The following PCDH17 variants were observed in gnomAD, a reference collection of about 807,000 sequenced individuals.
PCDH17 encodes the protein protocadherin 17, also known as protocadherin-17.
Under a neutral mutation model 67.7 loss-of-function variants are expected in PCDH17, and 21 were observed. The ratio of observed to expected loss-of-function variants is 0.31; its 90% CI spans 0.22 to 0.45. The LOEUF is 0.45. Ranked by LOEUF, PCDH17 falls within the 20% of genes least tolerant of loss-of-function variation. PCDH17 has a pLI of 1.00. For synonymous variants in PCDH17, 701 were observed against 656.7 expected, an observed-to-expected ratio of 1.07 and a Z score of -1.03; for missense variants, 1,471 against 1,564.8, an observed-to-expected ratio of 0.94 and a Z score of 1.01.
chr13:57,668,194 A>G (rs1955279064), intron 3 of PCDH17, among the ~76,000 whole-genome samples: 1 of 151,998 alleles, frequency 6.6e-6, no homozygotes, highest in Non-Finnish European at 1.5e-5. Context: ...GATGGGTTGT[A>G]GCTCTGTGAT....
intron 3 of PCDH17, among the ~76,000 whole-genome samples, chr13:57,718,056 C>T (rs1955837566): frequency 6.6e-6 from 1 of 151,840 alleles, no homozygotes; most frequent in Non-Finnish European, 1.5e-5. Flanking sequence ...CAAGACATTC[C>T]ATATCTGTGT....
chr13:57,633,461 G>A lies in PCDH17; in HGVS notation c.915G>A (p.Val305=), dbSNP rs187269070. Residue 305 remains valine (V), a synonymous_variant, in exon 1 of 4, where the codon GTG becomes GTA. Transcript: ENST00000377918. This position sits in a 1 kb window ranked among gnomAD's most constrained non-coding sequence, Gnocchi z 6.2. ...SIDPKTGLIR[V]KGNLDYEENG... ...ACCCCAAGACCGGCCTAATCCGTGT[G>A]AAGGGCAATCTGGACTATGAGGAAA... 9 of 1,613,784 alleles carry A rather than the reference G, an allele frequency of 5.6e-6. No homozygotes were observed. In the Admixed American group the frequency reaches 1.2e-4, roughly 21 times the overall value.
Position 57,633,698 on chromosome 13 carries a change from C to T in PCDH17, c.1152C>T (p.Asn384=), listed in dbSNP as rs760178198. The T allele has an allele frequency of 3.7e-6, 6 of 1,603,174 alleles. No homozygotes were observed. The highest frequency in any genetic ancestry group is 8.5e-7 in the Non-Finnish European group (1 of 1,179,700). The change falls in exon 1 of 4, where the codon AAC becomes AAT. Residue 384 remains asparagine (N), a synonymous_variant. Transcript: ENST00000377918. This position sits in a 1 kb window ranked among gnomAD's most constrained non-coding sequence, Gnocchi z 6.2. The stretch of plus-strand genomic sequence containing the variant: ...TCACTGACCGGGACTCTGGCAAGAA[C>T]GGACAGCTGCAGTGTCGGGTCCTAG... ...VRVTDRDSGK[N]GQLQCRVLGG...
chr13:57,725,068 C>A lies in PCDH17; in HGVS notation c.3254C>A (p.Pro1085Gln). The A allele has an allele frequency of 1.2e-6, 2 of 1,614,094 alleles. No homozygotes were observed. Among genetic ancestry groups the A allele is most frequent in the Non-Finnish European group, 1.7e-6 (2 of 1,179,988 alleles). Residue 1085 changes from proline to glutamine, a missense_variant, in exon 4 of 4, where the codon CCA becomes CAA. Physicochemically the swap from Pro to Gln is moderately conservative, Grantham distance 76. Transcript: ENST00000377918. ...CAATATCTGTCACCTAGTAAGCAACCAAGAGACCCTCCCTTCATGGCTTCC... is the reference window on the plus strand; with the variant it reads ...CAATATCTGTCACCTAGTAAGCAACAAAGAGACCCTCCCTTCATGGCTTCC... The part of the protein sequence containing the change: ...DSQYLSPSKQ[P>Q]RDPPFMASDQ...
intron 3 of PCDH17, among the ~76,000 whole-genome samples, chr13:57,700,206 T>C (rs1288367641): frequency 6.6e-6 from 1 of 152,072 alleles, no homozygotes; most frequent in Non-Finnish European, 1.5e-5. Context: ...CCCCTAAGTT[T>C]CCTGGACTTC....
chr13:57,633,227 A>T lies in PCDH17; in HGVS notation c.681A>T (p.Val227=). 1 of 1,613,298 alleles carries T rather than the reference A, an allele frequency of 6.2e-7. No homozygotes were observed. Among genetic ancestry groups the T allele is most frequent in the Non-Finnish European group, 8.5e-7 (1 of 1,179,994 alleles). The change falls in exon 1 of 4, where the codon GTA becomes GTT. Residue 227 remains valine (V), a synonymous_variant. Coordinates refer to ENST00000377918, the MANE Select transcript of PCDH17 (RefSeq NM_001040429.3). This position sits in a 1 kb window ranked among gnomAD's most constrained non-coding sequence, Gnocchi z 6.2. ...DGGEPPRSAT[V]QINVKVIDSN... is the part of the protein sequence containing the mutation. ...GCGAGCCTCCACGTTCCGCCACCGTACAGATCAACGTGAAGGTGATTGACT... is the reference window on the plus strand; with the variant it reads ...GCGAGCCTCCACGTTCCGCCACCGTTCAGATCAACGTGAAGGTGATTGACT...
At chr13:57,658,115 G>A in intron 1 of PCDH17, among the ~76,000 whole-genome samples, 1 of 151,964 alleles carries the variant, frequency 6.6e-6, no homozygotes, top group East Asian at 1.9e-4. Flanking sequence ...AACATATAAA[G>A]CCTATACAGA....
At chr13:57,645,335 TA>T (rs999598733) in intron 1 of PCDH17, among the ~76,000 whole-genome samples, 3 of 151,716 alleles carry the variant, frequency 2.0e-5, no homozygotes, top group African/African-American at 4.8e-5. Flanking sequence ...AGTATACACT[TA>T]AAAAAATATG....
At chr13:57,719,052 T>C (rs1452562016) in intron 3 of PCDH17, among the ~76,000 whole-genome samples, 1 of 151,946 alleles carries the variant, frequency 6.6e-6, no homozygotes, top group Non-Finnish European at 1.5e-5. Flanking sequence ...AGACCGTAAA[T>C]AGAGATGAGT....
At chr13:57,675,472 A>G (rs558514372) in intron 3 of PCDH17, among the ~76,000 whole-genome samples, 25 of 152,080 alleles carry the variant, frequency 1.6e-4, no homozygotes, top group African/African-American at 4.1e-4. Flanking sequence ...TGACATATAA[A>G]CTATGAGGTC....
intron 1 of PCDH17, among the ~76,000 whole-genome samples, chr13:57,661,512 G>A (rs559798756): frequency 6.6e-6 from 1 of 152,110 alleles, no homozygotes; most frequent in South Asian, 2.1e-4. Flanking sequence ...CTTTGATATT[G>A]TCTAACCACT....
chr13:57,699,552 A>G (rs1444146200), intron 3 of PCDH17, among the ~76,000 whole-genome samples: 4 of 151,206 alleles, frequency 2.6e-5, no homozygotes, highest in African/African-American at 7.3e-5. Context: ...GTTTTTACCT[A>G]TTGTTCTTTA....
At chr13:57,639,260 C>G (rs572358763) in intron 1 of PCDH17, among the ~76,000 whole-genome samples, 28 of 151,870 alleles carry the variant, frequency 1.8e-4, no homozygotes, top group Non-Finnish European at 3.2e-4. Flanking sequence ...TCTGTTTTAT[C>G]AGGCATTAAA....
At chr13:57,666,630 T>C (rs750299067) in intron 2 of PCDH17, 31 bp from the exon 3 acceptor site, 1 of 1,608,276 alleles carries the variant, frequency 6.2e-7, no homozygotes, top group East Asian at 2.2e-5. Flanking sequence ...GAGACAACAC[T>C]TTCTCTTCTT....
chr13:57,686,425 A>T (rs1384497648), intron 3 of PCDH17, among the ~76,000 whole-genome samples: 1 of 152,016 alleles, frequency 6.6e-6, no homozygotes, highest in South Asian at 2.1e-4. Context: ...AACATAATTA[A>T]TGCAGTAATT....
chr13:57,714,159 G>C (rs1375259845), intron 3 of PCDH17, among the ~76,000 whole-genome samples: 1 of 151,726 alleles, frequency 6.6e-6, no homozygotes, highest in South Asian at 2.1e-4. Flanking sequence ...AGCCAGAGAA[G>C]ATGAACTGCA....
At chr13:57,685,775 A>T (rs1309571335) in intron 3 of PCDH17, among the ~76,000 whole-genome samples, 1 of 151,914 alleles carries the variant, frequency 6.6e-6, no homozygotes, top group Non-Finnish European at 1.5e-5. Flanking sequence ...GGTAATAACT[A>T]AGGAAATCAC....
chr13:57,683,328 A>T (rs1159166857), intron 3 of PCDH17, among the ~76,000 whole-genome samples: 1 of 151,912 alleles, frequency 6.6e-6, no homozygotes, highest in Non-Finnish European at 1.5e-5. Flanking sequence ...GCTGTTAAGT[A>T]GTATTGGCTG....
At chr13:57,708,911 T>C (rs1233693212) in intron 3 of PCDH17, among the ~76,000 whole-genome samples, 3 of 151,958 alleles carry the variant, frequency 2.0e-5, no homozygotes, top group African/African-American at 7.2e-5. Context: ...AACAAAATAT[T>C]CTTTTTTTGT....
Sources: gnomAD v4.1 joint callset for allele counts (sites outside exome capture counted in the v4.1 genomes callset) on GRCh38, gnomAD v4.1.1 for gene constraint, Gnocchi (gnomAD v3.1) non-coding constraint, MANE v1.5 for transcripts, NCBI Gene and HGNC (gene_info 2026-07-23, HGNC 2026-07-21) for gene names.